PCDH7: variants seen among roughly 807,000 people sequenced by gnomAD.
PCDH7 encodes protocadherin 7.
PCDH7 carries 17 observed loss-of-function variants against 58.9 expected under a neutral mutation model. That is an observed-to-expected ratio of 0.29 (90% CI 0.20 to 0.43). The LOEUF (loss-of-function observed/expected upper bound fraction) is 0.43. Among genes scored for constraint, PCDH7 ranks in the 20% least tolerant of loss-of-function variants. The pLI is 1.00. For missense variants in PCDH7, 1,274 were observed against 1,441.0 expected (o/e 0.88, Z 1.88); for synonymous variants, 664 against 616.4 (o/e 1.08, Z -1.14).
At position 30,859,448 on chromosome 4, in the gene PCDH7, CT is replaced by C. The variant is rs796167217; in HGVS notation, c.71-60696del. Among the ~76,000 whole-genome samples, 462 of 139,138 alleles carry C rather than the reference CT, an allele frequency of 3.3e-3. 2 individuals carry two copies. Among genetic ancestry groups the C allele is most frequent in the African/African-American group, 0.012 (439 of 38,030 alleles). 91.3% of individuals were successfully genotyped at this position (139,138 alleles called of 152,430 possible). A position where few individuals can be genotyped will look rare whatever the true frequency, so the allele number is the denominator to read the frequency against. ...GCTCTAATTCTTCTTTTTTTTTTTT[CT>C]TTTTTTTTGAGACACAGTTTTACTC... On this transcript the variant is annotated intron_variant, in intron 1 of 3. Transcript: ENST00000509759.
intron 3 of PCDH7, among the ~76,000 whole-genome samples, chr4:31,035,626 C>A (rs1755345760): frequency 6.6e-6 from 1 of 152,136 alleles, no homozygotes; most frequent in African/African-American, 2.4e-5. Flanking sequence ...AACCAAAGAG[C>A]AGGTTGCATG....
downstream of PCDH7, chr4:31,143,527 G>A (rs1720479269): frequency 6.6e-6 from 1 of 152,210 alleles, no homozygotes; most frequent in Non-Finnish European, 1.5e-5. Flanking sequence ...TTCAGGTCAA[G>A]AGCATCAACT....
intron 1 of PCDH7, among the ~76,000 whole-genome samples, chr4:30,753,151 T>C (rs2109260526): frequency 6.6e-6 from 1 of 152,324 alleles, no homozygotes; most frequent in East Asian, 1.9e-4. Context: ...ACCCTTTAAG[T>C]CGTTATAAAC....
rs190470702 is a variant in PCDH7, at chr4:30,740,209, T to G, written c.70+15613T>G. Among the ~76,000 whole-genome samples, 217 of 152,300 alleles carry G rather than the reference T, an allele frequency of 1.4e-3. 1 individual carries two copies. The highest frequency in any genetic ancestry group is 2.3e-3 in the Non-Finnish European group (159 of 68,014). ...TATGAAGTAGAGGGAACACATCTAT[T>G]TTACAGCCAACTAGTTCTGTGAGAA... On this transcript the variant is annotated intron_variant, in intron 1 of 3. Coordinates refer to the PCDH7 transcript ENST00000509759.
At chr4:30,905,031 G>C (rs1399877338) in intron 1 of PCDH7, among the ~76,000 whole-genome samples, 1 of 151,974 alleles carries the variant, frequency 6.6e-6, no homozygotes, top group Non-Finnish European at 1.5e-5. Context: ...ATTTCACCAG[G>C]TGCAGTTTAT....
At chr4:31,037,038 A>T (rs60167602) in intron 3 of PCDH7, among the ~76,000 whole-genome samples, 36,159 of 152,022 alleles carry the variant, frequency 0.24, 4,559 homozygotes, top group South Asian at 0.33. Context: ...CCCATAGCAC[A>T]TGGGAATTGT....
At chr4:30,961,165 TTAA>T (rs1167212042) in intron 3 of PCDH7, among the ~76,000 whole-genome samples, 3 of 152,108 alleles carry the variant, frequency 2.0e-5, no homozygotes, top group Non-Finnish European at 4.4e-5. Flanking sequence ...TATTATATTC[TTAA>T]TAATACTTTT....
At chr4:30,929,362 T>C (rs911147429) in intron 2 of PCDH7, among the ~76,000 whole-genome samples, 1 of 152,220 alleles carries the variant, frequency 6.6e-6, no homozygotes, top group Admixed American at 6.5e-5. Context: ...GCTTTGTTTT[T>C]AAATCTTGTC....
intron 1 of PCDH7, among the ~76,000 whole-genome samples, chr4:30,823,706 C>G (rs1487858669): frequency 2.0e-5 from 3 of 152,008 alleles, no homozygotes; most frequent in Non-Finnish European, 2.9e-5. Flanking sequence ...TTGATAATAT[C>G]AAGAGCTAGG....
At chr4:30,807,372 T>G (rs1211872018) in intron 1 of PCDH7, among the ~76,000 whole-genome samples, 1 of 152,222 alleles carries the variant, frequency 6.6e-6, no homozygotes, top group East Asian at 1.9e-4. Flanking sequence ...CAAAACATAT[T>G]TCTCATTATT....
intron 3 of PCDH7, among the ~76,000 whole-genome samples, chr4:31,052,900 T>TAAC (rs956713829): frequency 2.6e-4 from 40 of 152,256 alleles, no homozygotes; most frequent in Admixed American, 9.8e-4. Flanking sequence ...TTTATTTATG[T>TAAC]AACAATTTTT....
At chr4:31,048,459 C>G (rs1347704430) in intron 3 of PCDH7, among the ~76,000 whole-genome samples, 3 of 152,050 alleles carry the variant, frequency 2.0e-5, no homozygotes, top group Non-Finnish European at 4.4e-5. Context: ...TTTTAGTCTT[C>G]AGGCTTGATG....
At chr4:31,061,670 T>C (rs376040979) in intron 3 of PCDH7, among the ~76,000 whole-genome samples, 1 of 151,778 alleles carries the variant, frequency 6.6e-6, no homozygotes, top group South Asian at 2.1e-4. Context: ...TAAAAGTCAG[T>C]AATCTTAAAT....
chr4:30,931,439 G>A (rs1488752946), intron 2 of PCDH7, among the ~76,000 whole-genome samples: 2 of 152,078 alleles, frequency 1.3e-5, no homozygotes, highest in Non-Finnish European at 2.9e-5. Context: ...GCTGGTCGTG[G>A]TGGCACATGC....
intron 1 of PCDH7, among the ~76,000 whole-genome samples, chr4:30,757,615 G>A (rs531740309): frequency 6.6e-6 from 1 of 152,240 alleles, no homozygotes; most frequent in East Asian, 1.9e-4. Flanking sequence ...CATATTTCAT[G>A]ACTCAGCTCA....
chr4:30,998,984 G>A (rs984360498), intron 3 of PCDH7, among the ~76,000 whole-genome samples: 2 of 152,164 alleles, frequency 1.3e-5, no homozygotes, highest in African/African-American at 4.8e-5. Flanking sequence ...GCACTGGAGA[G>A]TCTGTTATTA....
intron 1 of PCDH7, among the ~76,000 whole-genome samples, chr4:30,803,475 T>C (rs1255645874): frequency 6.6e-6 from 1 of 151,982 alleles, no homozygotes; most frequent in East Asian, 1.9e-4. Flanking sequence ...TCTTGCTCTG[T>C]CACCTAAGCA....
chr4:30,795,085 C>T (rs1431505458), intron 1 of PCDH7, among the ~76,000 whole-genome samples: 1 of 152,092 alleles, frequency 6.6e-6, no homozygotes, highest in Non-Finnish European at 1.5e-5. Flanking sequence ...ATTTAGAGCA[C>T]CGATATGGAT....
chr4:30,761,566 A>G (rs1416171373), intron 1 of PCDH7, among the ~76,000 whole-genome samples: 1 of 152,132 alleles, frequency 6.6e-6, no homozygotes, highest in African/African-American at 2.4e-5. Flanking sequence ...TATATTTTAT[A>G]ATTACAGCAC....
Sources: allele counts gnomAD v4.1 joint callset (sites outside exome capture counted in the v4.1 genomes callset), GRCh38; gene constraint gnomAD v4.1.1; transcripts MANE v1.5; gene names NCBI Gene and HGNC (gene_info 2026-07-23, HGNC 2026-07-21).